CACNA1E: variants seen among roughly 807,000 people sequenced by gnomAD.
CACNA1E encodes the protein calcium voltage-gated channel subunit alpha1 E.
A neutral mutation model predicts 259.2 loss-of-function variants in CACNA1E; 40 were observed. The observed-to-expected ratio is 0.15, with a 90% CI of 0.12 to 0.20. CACNA1E has a LOEUF of 0.20. Among genes scored for constraint, CACNA1E ranks in the 10% least tolerant of loss-of-function variants. The pLI is 1.00. For synonymous variants in CACNA1E, 1,104 were observed against 1,138.5 expected (o/e 0.97, Z 0.61); for missense variants, 1,874 against 3,040.1 (o/e 0.62, Z 9.02).
intron 12 of CACNA1E, among the ~76,000 whole-genome samples, chr1:181,719,188 A>G (rs1654206097): frequency 6.6e-6 from 1 of 152,248 alleles, no homozygotes; most frequent in Admixed American, 6.5e-5. Flanking sequence ...AACATAGTGG[A>G]CATTCAATAA....
At chr1:181,670,678 G>C (rs1325653344) in intron 7 of CACNA1E, among the ~76,000 whole-genome samples, 1 of 152,154 alleles carries the variant, frequency 6.6e-6, no homozygotes, top group Non-Finnish European at 1.5e-5. Flanking sequence ...AAGCTGACCA[G>C]ACCAAAAGAG....
chr1:181,467,153 G>A (rs1662201861), intron 2 of CACNA1E, among the ~76,000 whole-genome samples: 1 of 152,200 alleles, frequency 6.6e-6, no homozygotes, highest in Admixed American at 6.5e-5. Flanking sequence ...TGAAGTGATC[G>A]AGCCTTTTTA....
intron 1 of CACNA1E, among the ~76,000 whole-genome samples, chr1:181,357,125 C>T (rs546910543): frequency 6.6e-5 from 10 of 152,176 alleles, no homozygotes; most frequent in Admixed American, 5.9e-4. Flanking sequence ...CTTCCTCCCC[C>T]ACCCACTGCT....
Position 181,762,627 on chromosome 1 carries a change from T to C in CACNA1E, c.4659T>C (p.Ser1553=). 6.2e-7 allele frequency: 1 copy of C among 1,607,914 alleles called. No homozygotes were observed. Among genetic ancestry groups the C allele is most frequent in the Non-Finnish European group, 8.5e-7 (1 of 1,176,458 alleles). Reference sequence around the variant, plus strand: ...TTGACTTCATCACCGTGATTGGCAGTATCACAGAAATTATCCTGACAGACA... The same window carrying C: ...TTGACTTCATCACCGTGATTGGCAGCATCACAGAAATTATCCTGACAGACA... The part of the protein sequence containing the change: ...NIFDFITVIG[S]ITEIILTDSK... The change falls in exon 33 of 48, where the codon AGT becomes AGC. Residue 1553 remains serine (S), a synonymous_variant. Transcript: ENST00000367573.
At chr1:181,757,378 C>G (rs1204735773) in intron 30 of CACNA1E, among the ~76,000 whole-genome samples, 1 of 152,148 alleles carries the variant, frequency 6.6e-6, no homozygotes, top group Non-Finnish European at 1.5e-5. Flanking sequence ...TGCACATAGT[C>G]TAGAAAACAA....
rs1255660452 is a variant in CACNA1E at position 181,711,035 on chromosome 1, G to A, written c.1137G>A (p.Glu379=). The A allele has an allele frequency of 2.5e-6, 4 of 1,613,882 alleles. No individual in the cohort carries two copies. Among genetic ancestry groups the A allele is most frequent in the East Asian group, 2.2e-5 (1 of 44,878 alleles). Residue 379 remains glutamate, a synonymous_variant, in exon 8 of 48, where the codon GAG becomes GAA. Transcript: ENST00000367573. The stretch of plus-strand genomic sequence containing the variant: ...GGCGCCAGCAGCAGATTGAGCGTGA[G>A]CTGAATGGCTACCGTGCCTGGATAG... ...KLRRQQQIER[E]LNGYRAWIDK...
chr1:181,487,982 A>ACCT (rs1255297907), intron 1 of CACNA1E, among the ~76,000 whole-genome samples: 2 of 152,222 alleles, frequency 1.3e-5, no homozygotes, highest in Non-Finnish European at 2.9e-5. Context: ...GAGATAATGA[A>ACCT]GCTCATCACA....
intron 2 of CACNA1E, 110 bp from the exon 3 acceptor site, chr1:181,511,261 C>T (rs1666141357): frequency 1.5e-6 from 2 of 1,300,002 alleles, no homozygotes; most frequent in Admixed American, 1.8e-5. Context: ...CCCACCTACA[C>T]ATGGGCAGGC....
chr1:181,671,241 G>C (rs1315688556), intron 7 of CACNA1E, among the ~76,000 whole-genome samples: 1 of 152,108 alleles, frequency 6.6e-6, no homozygotes, highest in African/African-American at 2.4e-5. Context: ...GCCCAGGCTG[G>C]TCTCAAACTC....
chr1:181,429,462 A>G (rs1414376117), intron 2 of CACNA1E, among the ~76,000 whole-genome samples: 4 of 152,206 alleles, frequency 2.6e-5, no homozygotes, highest in Non-Finnish European at 4.4e-5. Flanking sequence ...CATCTCCACC[A>G]GCATCTATGC....
At position 181,646,375 on chromosome 1, in the gene CACNA1E, C is replaced by A. The variant is rs186880296; in HGVS notation, c.952-4963C>A. Among the ~76,000 whole-genome samples the A allele has an allele frequency of 5.8e-3, 881 of 152,316 alleles. 3 individuals carry two copies. The highest frequency in any genetic ancestry group is 0.021 in the South Asian group (101 of 4,826). ...AGAACTGTCTCTCCACAGGTGCTGG[C>A]AGTGCTGCAGTGGAGGAAGCCCTGC... is the stretch of plus-strand genomic sequence containing the variant. On this transcript the variant is annotated intron_variant, in intron 6 of 47. Coordinates refer to ENST00000367573, the MANE Select transcript of CACNA1E (RefSeq NM_001205293.3).
At chr1:181,526,986 A>G (rs2102706422) in intron 3 of CACNA1E, among the ~76,000 whole-genome samples, 1 of 152,336 alleles carries the variant, frequency 6.6e-6, no homozygotes, top group South Asian at 2.1e-4. Flanking sequence ...TCTAGCCCCC[A>G]CAAAAAACTT....
At chr1:181,690,240 C>T (rs1651009036) in intron 7 of CACNA1E, among the ~76,000 whole-genome samples, 1 of 152,274 alleles carries the variant, frequency 6.6e-6, no homozygotes, top group South Asian at 2.1e-4. Context: ...GGAATCCTTT[C>T]CCCATTGCTT....
intron 7 of CACNA1E, among the ~76,000 whole-genome samples, chr1:181,670,487 A>G (rs1648682644): frequency 6.6e-6 from 1 of 152,164 alleles, no homozygotes; most frequent in Non-Finnish European, 1.5e-5. Context: ...AGCTAACTCT[A>G]CTATGCAAGA....
intron 1 of CACNA1E, among the ~76,000 whole-genome samples, chr1:181,384,084 A>G (rs1302756999): frequency 1.3e-5 from 2 of 152,200 alleles, no homozygotes; most frequent in Non-Finnish European, 2.9e-5. Context: ...AAACTGCCCT[A>G]CGTGGGTATG....
At chr1:181,516,774 T>A (rs545942519) in intron 3 of CACNA1E, among the ~76,000 whole-genome samples, 2 of 152,332 alleles carry the variant, frequency 1.3e-5, no homozygotes, top group South Asian at 4.1e-4. Flanking sequence ...ACAGAGCTAG[T>A]CTTGAGTGTT....
intron 6 of CACNA1E, among the ~76,000 whole-genome samples, chr1:181,615,762 A>G (rs1209119268): frequency 1.3e-5 from 2 of 151,626 alleles, no homozygotes; most frequent in Non-Finnish European, 2.9e-5. Context: ...ACTGGCTAGG[A>G]CCTTGTTATA....
rs553812803 is a variant in CACNA1E at position 181,559,893 on chromosome 1, G to T, written c.513-17873G>T. On this transcript the variant is annotated intron_variant, in intron 3 of 47. Transcript: ENST00000367573. Reference sequence around the variant, plus strand: ...GGGTCATCACAGAGCTGCTGAAGGCGTGGGATGCAGAGCATCGACATTCTT... The same window carrying T: ...GGGTCATCACAGAGCTGCTGAAGGCTTGGGATGCAGAGCATCGACATTCTT... Among the ~76,000 whole-genome samples the T allele has an allele frequency of 3.9e-5, 6 of 152,308 alleles. No individual in the cohort carries two copies. The South Asian group carries it at 1.0e-3, about 26-fold the overall frequency.
chr1:181,720,138 C>T, intron 13 of CACNA1E, 68 bp from the exon 14 acceptor site: 1 of 1,582,390 alleles, frequency 6.3e-7, no homozygotes, highest in South Asian at 1.1e-5. Context: ...CAGGCATATG[C>T]TGAGCTGGGC....
Sources: allele counts gnomAD v4.1 joint callset (sites outside exome capture counted in the v4.1 genomes callset), GRCh38; gene constraint gnomAD v4.1.1; transcripts MANE v1.5; gene names NCBI Gene and HGNC (gene_info 2026-07-23, HGNC 2026-07-21).